Variants in ATP2B1 observed in about 807,000 individuals in gnomAD.
The protein encoded by ATP2B1 is ATPase plasma membrane Ca2+ transporting 1.
In ATP2B1, 14 loss-of-function variants were observed where a neutral mutation model predicts 124.2. The observed-to-expected ratio is 0.11, with a 90% CI of 0.07 to 0.18. The LOEUF (loss-of-function observed/expected upper bound fraction) is 0.18, where lower values mean the gene tolerates loss of function less well. ATP2B1 is among the 10% of genes least tolerant of loss of function. ATP2B1 has a pLI of 1.00. For missense variants in ATP2B1, 763 were observed against 1,466.1 expected, an observed-to-expected ratio of 0.52 and a Z score of 7.83; for synonymous variants, 449 against 492.4, an observed-to-expected ratio of 0.91 and a Z score of 1.17.
intron 5 of ATP2B1, among the ~76,000 whole-genome samples, chr12:89,632,694 G>C (rs1811371480): frequency 6.6e-6 from 1 of 152,150 alleles, no homozygotes; most frequent in Admixed American, 6.6e-5. Flanking sequence ...GGCATCATGA[G>C]AGTAAATTTA....
At chr12:89,617,442 A>C (rs1479552873) in intron 11 of ATP2B1, among the ~76,000 whole-genome samples, 2 of 152,194 alleles carry the variant, frequency 1.3e-5, no homozygotes, top group Non-Finnish European at 2.9e-5. Context: ...TAAAAAGCCA[A>C]GCGTAGTCAA....
upstream of ATP2B1, chr12:89,709,308 A>G (rs1229264155): frequency 6.6e-6 from 1 of 151,248 alleles, no homozygotes; most frequent in Non-Finnish European, 1.5e-5. Flanking sequence ...CACAGCCGCC[A>G]CCGCCGCCGA....
chr12:89,621,900 T>C (rs1200469370), intron 9 of ATP2B1, 109 bp from the exon 10 acceptor site: 2 of 1,170,350 alleles, frequency 1.7e-6, no homozygotes, highest in African/African-American at 3.2e-5. Flanking sequence ...CCCAGCTTTC[T>C]ATAAATACAA....
intron 1 of ATP2B1, among the ~76,000 whole-genome samples, chr12:89,673,007 T>C (rs1355134005): frequency 4.6e-5 from 7 of 152,230 alleles, no homozygotes; most frequent in Non-Finnish European, 8.8e-5. Flanking sequence ...TCATTTATCT[T>C]TCATCTCCAA....
At chr12:89,670,647 T>A (rs1887848382) in intron 1 of ATP2B1, among the ~76,000 whole-genome samples, 1 of 152,120 alleles carries the variant, frequency 6.6e-6, no homozygotes, top group Non-Finnish European at 1.5e-5. Context: ...ATCCACAATA[T>A]CCTTACCAAA....
At chr12:89,680,005 C>A (rs1889139312) in intron 1 of ATP2B1, among the ~76,000 whole-genome samples, 1 of 152,020 alleles carries the variant, frequency 6.6e-6, no homozygotes, top group South Asian at 2.1e-4. Context: ...CACATAAACT[C>A]CTGCCTCCTC....
intron 1 of ATP2B1, among the ~76,000 whole-genome samples, chr12:89,705,941 A>C (rs956010798): frequency 1.3e-5 from 2 of 152,194 alleles, no homozygotes; most frequent in Non-Finnish European, 2.9e-5. Context: ...TGCGGTTTGT[A>C]AGTAAGACTA....
chr12:89,604,372 G>A, intron 15 of ATP2B1, 26 bp from the exon 16 acceptor site: 1 of 1,550,172 alleles, frequency 6.5e-7, no homozygotes, highest in Non-Finnish European at 8.7e-7. Context: ...TTGTGAATTA[G>A]ACTAAATGTT....
chr12:89,627,783 G>T, intron 6 of ATP2B1, 67 bp from the exon 7 acceptor site: 1 of 1,497,672 alleles, frequency 6.7e-7, no homozygotes, highest in Non-Finnish European at 9.3e-7. Context: ...AAATTATGCA[G>T]AAGTAGTTCA....
At chr12:89,609,784 C>A (rs1877646174) in intron 15 of ATP2B1, among the ~76,000 whole-genome samples, 153 bp downstream of exon 15, 2 of 152,172 alleles carry the variant, frequency 1.3e-5, no homozygotes, top group South Asian at 4.1e-4. Context: ...ACTAATTAGA[C>A]TTATAAACCA....
At chr12:89,657,839 G>A (rs1592890270) in intron 1 of ATP2B1, among the ~76,000 whole-genome samples, 1 of 152,316 alleles carries the variant, frequency 6.6e-6, no homozygotes, top group East Asian at 1.9e-4. Flanking sequence ...AGTGAGTTGA[G>A]GATGGCTGGG....
chr12:89,683,831 G>A (rs1195288207), intron 1 of ATP2B1, among the ~76,000 whole-genome samples: 1 of 152,148 alleles, frequency 6.6e-6, no homozygotes, highest in Non-Finnish European at 1.5e-5. Context: ...CTTCATTCCA[G>A]CAATCTCAAT....
Position 89,621,802 on chromosome 12 carries a change from C to CG in ATP2B1, c.1345-12_1345-11insC. Reference sequence around the variant, plus strand: ...ATCTTTCATCATTTTCTACAGTGACCAAAAAAAAAAAACTAGTTAAGCTGC... The same window carrying CG: ...ATCTTTCATCATTTTCTACAGTGACCGAAAAAAAAAAAACTAGTTAAGCTGC... On this transcript the variant is annotated splice_polypyrimidine_tract_variant and intron_variant, in intron 9 of 20. Coordinates refer to ENST00000428670, the MANE Select transcript of ATP2B1 (RefSeq NM_001366521.1). The CG allele has an allele frequency of 8.4e-7, 1 of 1,194,548 alleles. No homozygotes were observed. Among genetic ancestry groups the CG allele is most frequent in the Non-Finnish European group, 1.1e-6 (1 of 898,118 alleles). 74.0% of individuals were successfully genotyped at this position (1,194,548 alleles called of 1,614,324 possible).
rs185468782 is a variant in ATP2B1 at position 89,656,914 on chromosome 12, A to G, written c.-221-807T>C. 1.2e-3 allele frequency among the ~76,000 whole-genome samples: 189 copies of G among 152,302 alleles called. 1 individual carries two copies. Among genetic ancestry groups the G allele is most frequent in the African/African-American group, 4.4e-3 (182 of 41,566 alleles). On this transcript the variant is annotated intron_variant, in intron 1 of 20. Coordinates refer to ENST00000428670, the MANE Select transcript of ATP2B1 (RefSeq NM_001366521.1). ...GAGGGCAGAGTTTGCCCATTACTACATCTTGAGAACCTAGAACTGTACCAG... is the reference window on the plus strand; with the variant it reads ...GAGGGCAGAGTTTGCCCATTACTACGTCTTGAGAACCTAGAACTGTACCAG...
At chr12:89,663,187 T>C (rs994119644) in intron 1 of ATP2B1, among the ~76,000 whole-genome samples, 2 of 152,212 alleles carry the variant, frequency 1.3e-5, no homozygotes, top group African/African-American at 4.8e-5. Context: ...TAAAAGAATA[T>C]GTTAGGTGTT....
intron 12 of ATP2B1, chr12:89,612,074 T>TA (rs1878118818): frequency 6.6e-6 from 1 of 152,218 alleles, no homozygotes; most frequent in South Asian, 2.1e-4. Flanking sequence ...CCCTGCATCA[T>TA]GTCTCTGTTG....
chr12:89,590,754 G>A lies in ATP2B1; in HGVS notation c.*230C>T, dbSNP rs1873403491. 8.4e-6 allele frequency: 4 copies of A among 476,350 alleles called. No individual in the cohort carries two copies. Among genetic ancestry groups the A allele is most frequent in the African/African-American group, 3.9e-5 (2 of 51,070 alleles). 29.5% of individuals were successfully genotyped at this position (476,350 alleles called of 1,614,324 possible). On this transcript the variant is annotated 3_prime_UTR_variant, in exon 21 of 21. Coordinates refer to ENST00000428670, the MANE Select transcript of ATP2B1 (RefSeq NM_001366521.1). ...ATGATCCACAGGTCACTTACGCTGA[G>A]TTACTGTTTATCTGTCAGTTCATTT... is the stretch of plus-strand genomic sequence containing the variant.
intron 1 of ATP2B1, among the ~76,000 whole-genome samples, chr12:89,686,173 A>G (rs1305984110): frequency 2.0e-5 from 3 of 152,102 alleles, no homozygotes; most frequent in Admixed American, 6.6e-5. Flanking sequence ...TTCCTTCAGC[A>G]TGTGTTCTTC....
At chr12:89,631,199 T>C (rs560209860) in intron 5 of ATP2B1, among the ~76,000 whole-genome samples, 6 of 152,298 alleles carry the variant, frequency 3.9e-5, no homozygotes, top group African/African-American at 7.2e-5. Context: ...ATTAGGTAAA[T>C]TTTAACAACT....
Sources: allele counts gnomAD v4.1 joint callset (sites outside exome capture counted in the v4.1 genomes callset), GRCh38; gene constraint gnomAD v4.1.1; transcripts MANE v1.5; gene names NCBI Gene and HGNC (gene_info 2026-07-23, HGNC 2026-07-21).